The following LDB2 variants were observed in gnomAD, a reference collection of about 807,000 sequenced individuals.
The protein encoded by LDB2 is LIM domain binding 2, also known as LIM domain-binding protein 2.
Under a neutral mutation model 44.3 loss-of-function variants are expected in LDB2, and 12 were observed. The observed-to-expected ratio is 0.27, with a 90% CI of 0.17 to 0.44. The LOEUF is 0.44. Ranked by LOEUF, LDB2 falls within the 20% of genes least tolerant of loss-of-function variation. The pLI, the probability that LDB2 is intolerant of heterozygous loss-of-function variation, is 1.00. For missense variants in LDB2, 344 were observed against 473.5 expected (o/e 0.73, Z 2.54); for synonymous variants, 164 against 174.8 (o/e 0.94, Z 0.49).
intron 2 of LDB2, among the ~76,000 whole-genome samples, chr4:16,613,915 C>A (rs974933380): frequency 6.6e-6 from 1 of 152,276 alleles, no homozygotes; most frequent in Middle Eastern, 3.4e-3. Flanking sequence ...TAGAAAAAAA[C>A]TATTTTAAAT....
chr4:16,837,778 T>C (rs949387779), intron 1 of LDB2, among the ~76,000 whole-genome samples: 4 of 152,250 alleles, frequency 2.6e-5, no homozygotes, highest in African/African-American at 9.6e-5. Context: ...TCAAATTTAC[T>C]AACGCACAGT....
At chr4:16,780,589 T>C (rs1232295697) in intron 1 of LDB2, among the ~76,000 whole-genome samples, 4 of 152,274 alleles carry the variant, frequency 2.6e-5, no homozygotes, top group African/African-American at 9.6e-5. Context: ...TAAGGTTACT[T>C]GAAGAATGCA....
intron 2 of LDB2, among the ~76,000 whole-genome samples, chr4:16,698,748 A>G (rs1181064325): frequency 6.6e-6 from 1 of 152,170 alleles, no homozygotes; most frequent in East Asian, 1.9e-4. Context: ...TGCCATACAG[A>G]GAAGTTTGTA....
At chr4:16,616,780 G>T (rs1727464479) in intron 2 of LDB2, among the ~76,000 whole-genome samples, 1 of 152,118 alleles carries the variant, frequency 6.6e-6, no homozygotes, top group African/African-American at 2.4e-5. Flanking sequence ...TCGAGTAAAA[G>T]TCCCCTGACA....
At chr4:16,702,153 T>C (rs16893836) in intron 2 of LDB2, among the ~76,000 whole-genome samples, 28,036 of 152,110 alleles carry the variant, frequency 0.18, 3,216 homozygotes, top group East Asian at 0.53. Context: ...AAGACCAAAG[T>C]TCCTTGAGGA....
chr4:16,610,977 C>A (rs551030465), intron 2 of LDB2, among the ~76,000 whole-genome samples: 1 of 152,300 alleles, frequency 6.6e-6, no homozygotes, highest in South Asian at 2.1e-4. Context: ...AAGGCCAGGT[C>A]ACCTACAAAG....
intron 1 of LDB2, among the ~76,000 whole-genome samples, chr4:16,834,396 T>C (rs1393791435): frequency 1.3e-5 from 2 of 152,238 alleles, no homozygotes; most frequent in African/African-American, 4.8e-5. Flanking sequence ...ATCACACCTA[T>C]GTGGCGTGAT....
At chr4:16,709,788 A>G (rs894978788) in intron 2 of LDB2, among the ~76,000 whole-genome samples, 5 of 152,172 alleles carry the variant, frequency 3.3e-5, no homozygotes, top group African/African-American at 1.2e-4. Context: ...GAAATACTAT[A>G]AGTGAGAATA....
chr4:16,541,834 A>G lies in LDB2; in HGVS notation c.616-29730T>C, dbSNP rs139927374. Among the ~76,000 whole-genome samples the G allele has an allele frequency of 5.7e-4, 87 of 152,320 alleles. No homozygotes were observed. In the East Asian group the frequency reaches 0.015, roughly 27 times the overall value. ...GCACTCACAACTGATGGGGTGATGC[A>G]TAGGAGTTGAGAATTGCTGCTCTGG... On this transcript the variant is annotated intron_variant, in intron 5 of 7. Transcript: ENST00000304523.
intron 2 of LDB2, among the ~76,000 whole-genome samples, chr4:16,734,869 T>G (rs1761552943): frequency 6.6e-6 from 1 of 151,860 alleles, no homozygotes; most frequent in Non-Finnish European, 1.5e-5. Flanking sequence ...CCACCATGCC[T>G]GGCTAATTTT....
intron 2 of LDB2, among the ~76,000 whole-genome samples, chr4:16,622,440 C>A (rs144043347): frequency 6.6e-6 from 1 of 152,140 alleles, no homozygotes; most frequent in Admixed American, 6.5e-5. Flanking sequence ...TGGGAAATAG[C>A]GATAGCAAAA....
chr4:16,724,255 G>C (rs930649085), intron 2 of LDB2, among the ~76,000 whole-genome samples: 1 of 151,962 alleles, frequency 6.6e-6, no homozygotes, highest in African/African-American at 2.4e-5. Flanking sequence ...ATAATGTGAA[G>C]TTCATGTCTT....
chr4:16,856,037 T>C (rs1789287856), intron 1 of LDB2, among the ~76,000 whole-genome samples: 1 of 152,158 alleles, frequency 6.6e-6, no homozygotes, highest in Non-Finnish European at 1.5e-5. Flanking sequence ...TCTCAAGAGA[T>C]TTCCAGAGTA....
At chr4:16,536,290 G>C (rs905550223) in intron 5 of LDB2, among the ~76,000 whole-genome samples, 4 of 152,210 alleles carry the variant, frequency 2.6e-5, no homozygotes, top group Admixed American at 2.6e-4. Context: ...GCCTTGGGAA[G>C]ATGAGTAGCT....
At chr4:16,892,169 C>T (rs1296823134) in intron 1 of LDB2, among the ~76,000 whole-genome samples, 3 of 152,132 alleles carry the variant, frequency 2.0e-5, no homozygotes, top group African/African-American at 7.2e-5. Context: ...CAGGAATATG[C>T]CCACGATACA....
In LDB2 at chr4:16,515,902, C is replaced by T. The variant is rs186710928; in HGVS notation, c.616-3798G>A. ...TTTTTTTGAGACAGTCTCGCTCTGT[C>T]GCCCAGGCTGGAGTGCAGTGGTGTG... On this transcript the variant is annotated intron_variant, in intron 5 of 7. Coordinates refer to ENST00000304523, the MANE Select transcript of LDB2 (RefSeq NM_001290.5). Among the ~76,000 whole-genome samples, 534 of 151,968 alleles carry T rather than the reference C, an allele frequency of 3.5e-3. 2 individuals are homozygous for T. The highest frequency in any genetic ancestry group is 0.012 in the African/African-American group (493 of 41,460).
intron 2 of LDB2, among the ~76,000 whole-genome samples, chr4:16,668,333 G>T (rs1030097435): frequency 1.3e-5 from 2 of 152,128 alleles, no homozygotes; most frequent in Non-Finnish European, 2.9e-5. Context: ...GAGGAGCCCA[G>T]CCTAAAGAAA....
chr4:16,813,799 CTGTT>C (rs1255405589), intron 1 of LDB2, among the ~76,000 whole-genome samples: 1 of 151,980 alleles, frequency 6.6e-6, no homozygotes, highest in Non-Finnish European at 1.5e-5. Flanking sequence ...ATAGACATAT[CTGTT>C]TGTTTTGTTC....
At chr4:16,507,471 C>T (rs748462389) in intron 7 of LDB2, among the ~76,000 whole-genome samples, 5 of 151,844 alleles carry the variant, frequency 3.3e-5, no homozygotes, top group African/African-American at 4.8e-5. Flanking sequence ...AAGGTCCACT[C>T]GCACATGGAA....
Sources: gnomAD v4.1 joint callset for allele counts (sites outside exome capture counted in the v4.1 genomes callset) on GRCh38, gnomAD v4.1.1 for gene constraint, MANE v1.5 for transcripts, NCBI Gene and HGNC (gene_info 2026-07-23, HGNC 2026-07-21) for gene names.